NCOR2: variants seen among roughly 807,000 people sequenced by gnomAD.
NCOR2 encodes nuclear receptor corepressor 2, also known as CTG repeat protein 26.
Under a neutral mutation model 262.9 loss-of-function variants are expected in NCOR2, and 81 were observed. The ratio of observed to expected loss-of-function variants is 0.31; its 90% CI spans 0.26 to 0.37. The LOEUF is 0.37. Ranked by LOEUF, NCOR2 falls within the 10% of genes least tolerant of loss-of-function variation. NCOR2 has a pLI of 1.00. For missense variants in NCOR2, 3,385 were observed against 3,621.4 expected (o/e 0.93, Z 1.68); for synonymous variants, 1,659 against 1,559.3 (o/e 1.06, Z -1.51).
Position 124,457,285 on chromosome 12 carries a change from C to G in NCOR2, c.706-123G>C. On this transcript the variant is annotated intron_variant, in intron 5 of 46. Coordinates refer to ENST00000405201, the Ensembl canonical transcript of NCOR2. The surrounding 1 kb of genome is among the most constrained non-coding windows in gnomAD (Gnocchi z 4.0). Reference sequence around the variant, plus strand: ...CAGTCCAGCATGCTGATCCTCAGCACGGGGGAGGGAGGCCCGGGGCCCCCT... The same window carrying G: ...CAGTCCAGCATGCTGATCCTCAGCAGGGGGGAGGGAGGCCCGGGGCCCCCT... The G allele has an allele frequency of 9.0e-7, 1 of 1,105,474 alleles. No individual in the cohort carries two copies. The highest frequency in any genetic ancestry group is 3.2e-5 in the East Asian group (1 of 31,400). The allele number at this position is 1,105,474 out of a possible 1,614,324, so 68.5% of individuals were successfully genotyped here. A position where few individuals can be genotyped will look rare whatever the true frequency, so the allele number is the denominator to read the frequency against.
chr12:124,508,826 A>G (rs1463425729), intron 1 of NCOR2, among the ~76,000 whole-genome samples: 2 of 152,328 alleles, frequency 1.3e-5, no homozygotes, highest in Admixed American at 6.5e-5. Flanking sequence ...CCTGTGGCTT[A>G]TGACGTGGTC....
rs1273810249 is a variant in NCOR2 at position 124,504,618 on chromosome 12, C to T, written c.-117-9250G>A. On this transcript the variant is annotated intron_variant, in intron 1 of 46. Coordinates refer to the NCOR2 transcript ENST00000404621. The surrounding 1 kb of genome is among the most constrained non-coding windows in gnomAD (Gnocchi z 4.5). ...CAGCAGCACTATTTACATCAGCCAACAAGCAGAAACAACCCAAATGTCCAT... is the reference window on the plus strand; with the variant it reads ...CAGCAGCACTATTTACATCAGCCAATAAGCAGAAACAACCCAAATGTCCAT... 1.3e-5 allele frequency among the ~76,000 whole-genome samples: 2 copies of T among 152,226 alleles called. No homozygotes were observed. The highest frequency in any genetic ancestry group is 2.4e-5 in the African/African-American group (1 of 41,448).
intron 1 of NCOR2, among the ~76,000 whole-genome samples, chr12:124,547,478 C>A (rs567724175): frequency 6.6e-6 from 1 of 152,188 alleles, no homozygotes; most frequent in African/African-American, 2.4e-5. Flanking sequence ...GGGGACTACT[C>A]CATTTTTTTA....
At chr12:124,351,254 C>T (rs1234274835) in intron 27 of NCOR2, among the ~76,000 whole-genome samples, 5 of 152,192 alleles carry the variant, frequency 3.3e-5, no homozygotes, top group South Asian at 2.1e-4. Flanking sequence ...CCCGTGACCA[C>T]GTCATGCACT....
chr12:124,367,949 C>A (rs1027999228), intron 20 of NCOR2, among the ~76,000 whole-genome samples: 6 of 152,196 alleles, frequency 3.9e-5, no homozygotes, highest in African/African-American at 1.4e-4. Flanking sequence ...CCTTTGTTTT[C>A]TTGGAAGGCA....
chr12:124,543,331 C>A (rs1470863913), intron 1 of NCOR2, among the ~76,000 whole-genome samples: 1 of 152,200 alleles, frequency 6.6e-6, no homozygotes, highest in Non-Finnish European at 1.5e-5. Flanking sequence ...GGAGGAGCCG[C>A]TGCAAAAAAC....
At chr12:124,363,687 G>T in exon 21 of NCOR2, 1 of 1,391,650 alleles carries the variant, frequency 7.2e-7, no homozygotes, top group East Asian at 2.7e-5. Context: ...ACGATGGGGG[G>T]GATGGCAGCC....
chr12:124,517,897 G>A lies in NCOR2; in HGVS notation c.-118+17668C>T, dbSNP rs918331127. 3.3e-5 allele frequency among the ~76,000 whole-genome samples: 5 copies of A among 152,212 alleles called. No individual in the cohort carries two copies. The highest frequency in any genetic ancestry group is 2.6e-4 in the Admixed American group (4 of 15,288). ...GGCCGACAACACTGCGCTGCCAGGG[G>A]AGGGTCCAGCTGCCCCCATTGGCTG... On this transcript the variant is annotated intron_variant, in intron 1 of 46. Coordinates refer to the NCOR2 transcript ENST00000404621. This position sits in a 1 kb window ranked among gnomAD's most constrained non-coding sequence, Gnocchi z 7.6.
At position 124,350,632 on chromosome 12, in the gene NCOR2, G is replaced by A. The variant is rs2037371410; in HGVS notation, c.3799C>T (p.His1267Tyr). The A allele has an allele frequency of 7.4e-6, 12 of 1,613,958 alleles. No homozygotes were observed. Among genetic ancestry groups the A allele is most frequent in the African/African-American group, 1.3e-5 (1 of 75,034 alleles). ...CCCTTCTTGCCTTCGTAGATGACGT[G>A]GCCCTTGGGCAGGCTGTCCTCCCGG... is the stretch of plus-strand genomic sequence containing the variant. The change falls in exon 28 of 47, where the codon CAC (histidine) becomes TAC (tyrosine). Residue 1267 changes from histidine to tyrosine, a missense_variant. His to Tyr is a moderately conservative substitution (Grantham distance 83). Coordinates refer to ENST00000405201, the Ensembl canonical transcript of NCOR2.
chr12:124,358,114 CGTGT>C lies in NCOR2; in HGVS notation c.3101-1336_3101-1333del, dbSNP rs576253634. Reference sequence around the variant, plus strand: ...GTGTGTGCGCGCGCGCACGTGCGTGCGTGTGAGTGCATGGATGTGTGTGTGTGCA... The same window carrying C: ...GTGTGTGCGCGCGCGCACGTGCGTGCGAGTGCATGGATGTGTGTGTGTGCA... On this transcript the variant is annotated intron_variant, in intron 22 of 46. Transcript: ENST00000405201. Among the ~76,000 whole-genome samples, 52 of 122,776 alleles carry C rather than the reference CGTGT, an allele frequency of 4.2e-4. No individual in the cohort carries two copies. In the East Asian group the frequency reaches 5.7e-3, roughly 14 times the overall value. The allele number at this position is 122,776 out of a possible 152,430, so 80.5% of individuals were successfully genotyped here.
At chr12:124,565,791 TA>T (rs2052219348) in intron 1 of NCOR2, among the ~76,000 whole-genome samples, 1 of 152,146 alleles carries the variant, frequency 6.6e-6, no homozygotes, top group South Asian at 2.1e-4. Flanking sequence ...ACAGAGAAGT[TA>T]AGCATCTGTC....
chr12:124,357,916 T>A (rs1244078), intron 22 of NCOR2, among the ~76,000 whole-genome samples: 22 of 148,172 alleles, frequency 1.5e-4, no homozygotes, highest in Non-Finnish European at 2.7e-4. Flanking sequence ...TGTGTGTGCG[T>A]GCGCACGTGC....
intron 1 of NCOR2, among the ~76,000 whole-genome samples, chr12:124,543,793 C>G (rs891757261): frequency 6.6e-6 from 1 of 152,182 alleles, no homozygotes; most frequent in African/African-American, 2.4e-5. Flanking sequence ...CGGGAGGCCG[C>G]GGAGGCCCCA....
chr12:124,494,765 G>GC (rs1437202373), intron 1 of NCOR2, among the ~76,000 whole-genome samples: 1 of 152,162 alleles, frequency 6.6e-6, no homozygotes, highest in East Asian at 1.9e-4. Flanking sequence ...CGGCCCCCTT[G>GC]CCCCCTGGAA....
At chr12:124,415,413 C>A (rs2042805350) in intron 13 of NCOR2, among the ~76,000 whole-genome samples, 1 of 152,236 alleles carries the variant, frequency 6.6e-6, no homozygotes, top group Non-Finnish European at 1.5e-5. Flanking sequence ...CTGAAGCTGC[C>A]GCTGATTTTC....
chr12:124,330,807 G>T, intron 44 of NCOR2, 38 bp downstream of exon 46: 3 of 1,556,894 alleles, frequency 1.9e-6, no homozygotes, highest in South Asian at 2.4e-5. Flanking sequence ...GAGCGGAGGG[G>T]ACCAGGGCAG....
chr12:124,550,417 G>A (rs2137256266), intron 1 of NCOR2, among the ~76,000 whole-genome samples: 1 of 152,238 alleles, frequency 6.6e-6, no homozygotes, highest in East Asian at 1.9e-4. Context: ...CATCCTTCAG[G>A]AGTCTAACCT....
chr12:124,448,469 C>G (rs2045320696), intron 7 of NCOR2, among the ~76,000 whole-genome samples: 1 of 152,228 alleles, frequency 6.6e-6, no homozygotes, highest in Non-Finnish European at 1.5e-5. Context: ...CCCGGGACCC[C>G]TGGCGCAGAA....
intron 44 of NCOR2, among the ~76,000 whole-genome samples, chr12:124,329,979 AGT>A (rs2035043426): frequency 6.6e-6 from 1 of 152,198 alleles, no homozygotes; most frequent in Non-Finnish European, 1.5e-5. Context: ...GAGGTGTCCT[AGT>A]TGGGACTCCC....
Sources: allele counts gnomAD v4.1 joint callset (sites outside exome capture counted in the v4.1 genomes callset), GRCh38; gene constraint gnomAD v4.1.1; non-coding constraint Gnocchi (gnomAD v3.1); transcripts MANE v1.5; gene names NCBI Gene and HGNC (gene_info 2026-07-23, HGNC 2026-07-21).